MAD1L1: variants seen among roughly 807,000 people sequenced by gnomAD.
MAD1L1 encodes the protein mitotic spindle assembly checkpoint protein MAD1.
MAD1L1 carries 95 observed loss-of-function variants against 96.9 expected under a neutral mutation model. The observed-to-expected ratio is 0.98, with a 90% CI of 0.83 to 1.16. The LOEUF is 1.16. Among genes scored for constraint, MAD1L1 ranks in the 50% most tolerant of loss-of-function variants. MAD1L1 has a pLI of 0.00. For missense variants in MAD1L1, 1,007 were observed against 954.4 expected, an observed-to-expected ratio of 1.06 and a Z score of -0.73; for synonymous variants, 473 against 396.6, an observed-to-expected ratio of 1.19 and a Z score of -2.29.
chr7:1,949,397 C>T (rs771876593), intron 16 of MAD1L1, among the ~76,000 whole-genome samples: 3 of 152,224 alleles, frequency 2.0e-5, no homozygotes, highest in African/African-American at 4.8e-5. Context: ...CACATGCGCC[C>T]GGCTCTGAGT....
chr7:1,998,025 C>T (rs182977795), intron 14 of MAD1L1, among the ~76,000 whole-genome samples: 4 of 152,262 alleles, frequency 2.6e-5, no homozygotes, highest in African/African-American at 7.2e-5. Flanking sequence ...CAGGCATTAG[C>T]GCTTAAACGG....
chr7:1,926,159 T>A (rs979366654), intron 17 of MAD1L1, among the ~76,000 whole-genome samples: 3 of 152,168 alleles, frequency 2.0e-5, no homozygotes, highest in African/African-American at 7.2e-5. Context: ...ATCACAGATA[T>A]AATGAACCAG....
intron 1 of MAD1L1, among the ~76,000 whole-genome samples, chr7:2,232,447 C>T (rs914177586): frequency 6.6e-6 from 1 of 152,224 alleles, no homozygotes; most frequent in African/African-American, 2.4e-5. Context: ...TGCCAAGAGC[C>T]CCTGCAGCCC....
intron 16 of MAD1L1, among the ~76,000 whole-genome samples, chr7:1,956,001 C>T (rs1240958386): frequency 1.5e-5 from 2 of 131,672 alleles, no homozygotes; most frequent in African/African-American, 3.0e-5. Context: ...GGTGGGGTGG[C>T]AGGGGGGAGC....
At chr7:1,831,677 A>T (rs184700907) in intron 18 of MAD1L1, among the ~76,000 whole-genome samples, 1 of 152,326 alleles carries the variant, frequency 6.6e-6, no homozygotes, top group African/African-American at 2.4e-5. Flanking sequence ...GAACACATGA[A>T]TGATAAGAAA....
intron 11 of MAD1L1, among the ~76,000 whole-genome samples, chr7:2,105,709 C>T (rs531667216): frequency 2.0e-5 from 3 of 152,226 alleles, no homozygotes; most frequent in East Asian, 3.9e-4. Flanking sequence ...TCTCCTCACC[C>T]CCGCACGGTC....
At chr7:2,171,294 G>T (rs1376804430) in intron 10 of MAD1L1, among the ~76,000 whole-genome samples, 1 of 152,244 alleles carries the variant, frequency 6.6e-6, no homozygotes, top group Non-Finnish European at 1.5e-5. Flanking sequence ...ACCAAAGGAG[G>T]CAGCAGGCCT....
intron 18 of MAD1L1, among the ~76,000 whole-genome samples, chr7:1,855,228 C>T (rs939699801): frequency 2.0e-5 from 3 of 152,080 alleles, no homozygotes; most frequent in Admixed American, 2.0e-4. Context: ...GTCTCTGCCG[C>T]AGTGGCAGAC....
intron 12 of MAD1L1, among the ~76,000 whole-genome samples, chr7:2,042,269 G>GCA (rs753116515): frequency 1.4e-5 from 2 of 147,696 alleles, no homozygotes; most frequent in African/African-American, 5.3e-5. Context: ...ATACGCACAT[G>GCA]CACACACACG....
At chr7:1,983,570 C>G (rs1781023593) in intron 14 of MAD1L1, among the ~76,000 whole-genome samples, 1 of 152,140 alleles carries the variant, frequency 6.6e-6, no homozygotes, top group Non-Finnish European at 1.5e-5. Context: ...TCAGACAAAA[C>G]TCATAATTCT....
chr7:2,088,064 A>C lies in MAD1L1; in HGVS notation c.1074-18726T>G, dbSNP rs564010686. Among the ~76,000 whole-genome samples the C allele has an allele frequency of 5.3e-5, 8 of 152,196 alleles. No homozygotes were observed. Among genetic ancestry groups the C allele is most frequent in the African/African-American group, 1.4e-4 (6 of 41,552 alleles). On this transcript the variant is annotated intron_variant, in intron 11 of 18. Coordinates refer to ENST00000265854, the MANE Select transcript of MAD1L1 (RefSeq NM_001013836.2). This position sits in a 1 kb window ranked among gnomAD's most constrained non-coding sequence, Gnocchi z 4.4. ...GCTCTAGGAGAGTTAGAGAAGAAGA[A>C]GACTGGGACTCGGACCACACTGACT...
In MAD1L1 at chr7:2,216,300, A is replaced by G. The variant is rs1470584481; in HGVS notation, c.679-13T>C. The G allele has an allele frequency of 6.2e-7, 1 of 1,609,880 alleles. No homozygotes were observed. Among genetic ancestry groups the G allele is most frequent in the Admixed American group, 1.7e-5 (1 of 58,710 alleles). ...TCTGCTCCAGATCCTGATGGAGGCC[A>G]GGGACAGAGAAGAAGGGAAAAATGA... On this transcript the variant is annotated splice_polypyrimidine_tract_variant and intron_variant, in intron 7 of 18. Coordinates refer to ENST00000265854, the MANE Select transcript of MAD1L1 (RefSeq NM_001013836.2).
intron 14 of MAD1L1, among the ~76,000 whole-genome samples, chr7:1,995,187 C>G (rs958333900): frequency 1.3e-5 from 2 of 152,152 alleles, no homozygotes; most frequent in Non-Finnish European, 2.9e-5. Context: ...GTGGCCAGCA[C>G]GATTCCTTCC....
At chr7:2,046,144 G>T (rs563703929) in intron 12 of MAD1L1, among the ~76,000 whole-genome samples, 3 of 152,158 alleles carry the variant, frequency 2.0e-5, no homozygotes, top group Non-Finnish European at 4.4e-5. Context: ...TGGGATGCGG[G>T]TGGTGGCGCA....
At chr7:2,047,161 C>T (rs1478274317) in intron 12 of MAD1L1, among the ~76,000 whole-genome samples, 2 of 152,184 alleles carry the variant, frequency 1.3e-5, no homozygotes, top group Non-Finnish European at 2.9e-5. Context: ...TCCGTTCACC[C>T]CAGCTCCCCA....
intron 18 of MAD1L1, among the ~76,000 whole-genome samples, chr7:1,825,194 C>T (rs1453319384): frequency 6.6e-6 from 1 of 152,216 alleles, no homozygotes; most frequent in Non-Finnish European, 1.5e-5. Flanking sequence ...CCACTGCGGA[C>T]ACATGCAAGC....
chr7:2,210,315 C>T (rs1435442476), intron 10 of MAD1L1, among the ~76,000 whole-genome samples: 2 of 152,144 alleles, frequency 1.3e-5, no homozygotes, highest in African/African-American at 4.8e-5. Flanking sequence ...GAGCAATCCC[C>T]CTGCGGCAGC....
intron 17 of MAD1L1, among the ~76,000 whole-genome samples, chr7:1,903,011 G>C (rs1769128553): frequency 6.6e-6 from 1 of 151,498 alleles, no homozygotes; most frequent in Non-Finnish European, 1.5e-5. Flanking sequence ...ACTCATGATT[G>C]ATGAAGCACT....
chr7:1,837,370 T>G (rs1235961311), intron 18 of MAD1L1, among the ~76,000 whole-genome samples: 1 of 152,162 alleles, frequency 6.6e-6, no homozygotes, highest in Admixed American at 6.6e-5. Context: ...TGGAAAATGG[T>G]GCAGGCACTT....
Sources: allele counts gnomAD v4.1 joint callset (sites outside exome capture counted in the v4.1 genomes callset), GRCh38; gene constraint gnomAD v4.1.1; non-coding constraint Gnocchi (gnomAD v3.1); transcripts MANE v1.5; gene names NCBI Gene and HGNC (gene_info 2026-07-23, HGNC 2026-07-21).